EPHB1: variants seen among roughly 807,000 people sequenced by gnomAD.
EPHB1 encodes ephrin type-B receptor 1.
A neutral mutation model predicts 94.4 loss-of-function variants in EPHB1; 30 were observed. The ratio of observed to expected loss-of-function variants is 0.32; its 90% CI spans 0.24 to 0.43. The LOEUF (loss-of-function observed/expected upper bound fraction) is 0.43. Among genes scored for constraint, EPHB1 ranks in the 20% least tolerant of loss-of-function variants. EPHB1 has a pLI of 1.00. For missense variants in EPHB1, 1,055 were observed against 1,308.3 expected, an observed-to-expected ratio of 0.81 and a Z score of 2.99; for synonymous variants, 522 against 489.1, an observed-to-expected ratio of 1.07 and a Z score of -0.89.
At chr3:135,224,965 C>T (rs1943359225) in intron 12 of EPHB1, among the ~76,000 whole-genome samples, 1 of 152,186 alleles carries the variant, frequency 6.6e-6, no homozygotes, top group African/African-American at 2.4e-5. Context: ...CCTTTCAGAC[C>T]TAGCTTATTC....
At chr3:134,837,366 G>T (rs574057212) in intron 1 of EPHB1, among the ~76,000 whole-genome samples, 12 of 152,280 alleles carry the variant, frequency 7.9e-5, no homozygotes, top group Admixed American at 2.0e-4. Flanking sequence ...TTTAAACATG[G>T]ATGTCTTAAA....
intron 3 of EPHB1, among the ~76,000 whole-genome samples, chr3:135,039,492 G>A (rs368900535): frequency 5.3e-4 from 81 of 152,330 alleles, no homozygotes; most frequent in African/African-American, 1.8e-3. Flanking sequence ...TGCTCCCGTC[G>A]GGGAGGCTCG....
chr3:134,942,035 G>C (rs1372856881), intron 2 of EPHB1, among the ~76,000 whole-genome samples: 1 of 152,180 alleles, frequency 6.6e-6, no homozygotes, highest in Non-Finnish European at 1.5e-5. Context: ...TGATCCATTT[G>C]TGTCAAAATA....
chr3:134,880,906 G>A lies in EPHB1; in HGVS notation c.59-44910G>A, dbSNP rs535062377. On this transcript the variant is annotated intron_variant, in intron 1 of 15. Coordinates refer to ENST00000398015, the MANE Select transcript of EPHB1 (RefSeq NM_004441.5). ...AATATTATCGCTTTATCTGTGAGAG[G>A]AAGAGATGATGTGAGAATTACATGG... Among the ~76,000 whole-genome samples the A allele has an allele frequency of 3.7e-4, 56 of 152,372 alleles. 1 individual carries two copies. The highest frequency in any genetic ancestry group is 3.4e-3 in the Middle Eastern group (1 of 294).
At chr3:134,877,057 C>G (rs2037631327) in intron 1 of EPHB1, among the ~76,000 whole-genome samples, 3 of 152,180 alleles carry the variant, frequency 2.0e-5, no homozygotes, top group Admixed American at 2.0e-4. Flanking sequence ...AGTGCATGCC[C>G]AGTCTTAGAC....
chr3:135,039,060 A>G (rs1184707737), intron 3 of EPHB1, among the ~76,000 whole-genome samples: 1 of 152,238 alleles, frequency 6.6e-6, no homozygotes, highest in East Asian at 1.9e-4. Context: ...AGGCCCCACC[A>G]GAGCAGCTAG....
intron 10 of EPHB1, among the ~76,000 whole-genome samples, chr3:135,187,746 G>A (rs75844020): frequency 6.6e-6 from 1 of 152,110 alleles, no homozygotes; most frequent in Non-Finnish European, 1.5e-5. Context: ...ACCTGGCAGG[G>A]AAACTTCACC....
At chr3:135,074,466 A>G (rs1334823825) in intron 3 of EPHB1, among the ~76,000 whole-genome samples, 1 of 152,210 alleles carries the variant, frequency 6.6e-6, no homozygotes, top group East Asian at 1.9e-4. Context: ...GGTTAATTCT[A>G]CTGCTTGATA....
intron 4 of EPHB1, among the ~76,000 whole-genome samples, chr3:135,116,906 C>G (rs567087956): frequency 2.8e-4 from 43 of 152,304 alleles, no homozygotes; most frequent in Non-Finnish European, 5.7e-4. Flanking sequence ...CATGACTTTC[C>G]AGATTCCCTG....
At position 135,000,972 on chromosome 3, in the gene EPHB1, C is replaced by G. The variant is rs535395358; in HGVS notation, c.805+48920C>G. Among the ~76,000 whole-genome samples the G allele has an allele frequency of 2.0e-5, 3 of 152,250 alleles. No individual in the cohort carries two copies. The South Asian group carries it at 6.2e-4, about 32-fold the overall frequency. On this transcript the variant is annotated intron_variant, in intron 3 of 15. Transcript: ENST00000398015. ...TTTTCATAGACTTTTGTTCTGACTC[C>G]CCTCCTCATCTCATTTTCAAATATG...
chr3:135,195,364 A>G (rs1174580844), intron 11 of EPHB1, among the ~76,000 whole-genome samples: 4 of 151,936 alleles, frequency 2.6e-5, no homozygotes, highest in Admixed American at 2.6e-4. Context: ...TTTAAGTTTT[A>G]GGGTACATGT....
chr3:134,947,869 A>G (rs941467029), intron 2 of EPHB1, among the ~76,000 whole-genome samples: 2 of 152,146 alleles, frequency 1.3e-5, no homozygotes, highest in Non-Finnish European at 2.9e-5. Flanking sequence ...AGCATGGCTT[A>G]CTGCAGCCCC....
chr3:134,932,213 A>G (rs2038919606), intron 2 of EPHB1, among the ~76,000 whole-genome samples: 1 of 152,176 alleles, frequency 6.6e-6, no homozygotes, highest in Non-Finnish European at 1.5e-5. Flanking sequence ...CATGTTTGGT[A>G]AACTAACTCC....
At chr3:134,966,052 T>C (rs1195647222) in intron 3 of EPHB1, among the ~76,000 whole-genome samples, 1 of 152,230 alleles carries the variant, frequency 6.6e-6, no homozygotes, top group Non-Finnish European at 1.5e-5. Flanking sequence ...AGCTGTGTGC[T>C]GTTTGCCAAC....
In EPHB1 at chr3:134,825,253, G is replaced by A. The variant is rs141179867; in HGVS notation, c.58+29564G>A. Among the ~76,000 whole-genome samples, 9 of 152,188 alleles carry A rather than the reference G, an allele frequency of 5.9e-5. No homozygotes were observed. In the East Asian group the frequency reaches 1.2e-3, roughly 20 times the overall value. ...AAAGGAGGCAGGCTGGAGATGTTAC[G>A]ATCATCTGTCAGTTTTAGAAGCTTG... On this transcript the variant is annotated intron_variant, in intron 1 of 15. Coordinates refer to ENST00000398015, the MANE Select transcript of EPHB1 (RefSeq NM_004441.5).
chr3:135,141,990 C>T (rs1156680829), intron 5 of EPHB1, among the ~76,000 whole-genome samples: 1 of 152,216 alleles, frequency 6.6e-6, no homozygotes, highest in East Asian at 1.9e-4. Flanking sequence ...GAGGAGACCT[C>T]CCCAGGGGCT....
chr3:135,097,041 A>T (rs1332790101), intron 3 of EPHB1, among the ~76,000 whole-genome samples: 3 of 147,040 alleles, frequency 2.0e-5, no homozygotes, highest in Non-Finnish European at 4.5e-5. Flanking sequence ...GGTTGCAGTG[A>T]GCTGAGATCA....
At chr3:135,200,404 G>GC (rs201992048) in intron 11 of EPHB1, among the ~76,000 whole-genome samples, 3,904 of 152,262 alleles carry the variant, frequency 0.026, 73 homozygotes, top group Non-Finnish European at 0.041. Flanking sequence ...TTCACTAGGA[G>GC]AGTTCCCTGT....
At chr3:135,100,580 A>G (rs151269937) in intron 3 of EPHB1, among the ~76,000 whole-genome samples, 137 of 152,314 alleles carry the variant, frequency 9.0e-4, no homozygotes, top group African/African-American at 3.2e-3. Flanking sequence ...GCTTTCCATT[A>G]TCTCAATCAC....
Sources: allele counts gnomAD v4.1 joint callset (sites outside exome capture counted in the v4.1 genomes callset), GRCh38; gene constraint gnomAD v4.1.1; transcripts MANE v1.5; gene names NCBI Gene and HGNC (gene_info 2026-07-23, HGNC 2026-07-21).